The following KCNQ3 variants were observed in gnomAD, a reference collection of about 807,000 sequenced individuals.
The protein encoded by KCNQ3 is potassium voltage-gated channel subfamily KQT member 3.
Under a neutral mutation model 92.5 loss-of-function variants are expected in KCNQ3, and 30 were observed. The observed-to-expected ratio is 0.32, with a 90% CI of 0.24 to 0.44. The LOEUF (loss-of-function observed/expected upper bound fraction) is 0.44. Ranked by LOEUF, KCNQ3 falls within the 20% of genes least tolerant of loss-of-function variation. KCNQ3 has a pLI of 1.00. For synonymous variants in KCNQ3, 450 were observed against 468.8 expected (o/e 0.96, Z 0.52); for missense variants, 913 against 1,140.3 (o/e 0.80, Z 2.87).
At chr8:132,371,569 A>G (rs1156409131) in intron 1 of KCNQ3, among the ~76,000 whole-genome samples, 1 of 152,190 alleles carries the variant, frequency 6.6e-6, no homozygotes, top group Non-Finnish European at 1.5e-5. Context: ...TCCCCACAGA[A>G]GAGCAGGATT....
chr8:132,193,193 C>T (rs1455998350), intron 1 of KCNQ3, among the ~76,000 whole-genome samples: 2 of 152,218 alleles, frequency 1.3e-5, no homozygotes, highest in East Asian at 3.9e-4. Flanking sequence ...AGCATCCAGG[C>T]TGTCTTTGCA....
chr8:132,149,999 C>G (rs1171608347), intron 9 of KCNQ3, among the ~76,000 whole-genome samples: 1 of 152,186 alleles, frequency 6.6e-6, no homozygotes, highest in Non-Finnish European at 1.5e-5. Flanking sequence ...CTTCTCCACC[C>G]TGTCAGCAGT....
chr8:132,240,072 T>C (rs1814937065), intron 1 of KCNQ3, among the ~76,000 whole-genome samples: 1 of 152,100 alleles, frequency 6.6e-6, no homozygotes, highest in Non-Finnish European at 1.5e-5. Context: ...CATTTCCAGA[T>C]GGGTTGGGAA....
intron 1 of KCNQ3, among the ~76,000 whole-genome samples, chr8:132,239,263 A>G (rs1157438126): frequency 6.6e-6 from 1 of 152,208 alleles, no homozygotes; most frequent in African/African-American, 2.4e-5. Context: ...ATGGGCTGAT[A>G]GCTCCTGCAA....
intron 1 of KCNQ3, among the ~76,000 whole-genome samples, chr8:132,262,217 G>A (rs1240650778): frequency 6.6e-6 from 1 of 152,166 alleles, no homozygotes; most frequent in Non-Finnish European, 1.5e-5. Context: ...ACTTTATGAC[G>A]CCACTAATTC....
At chr8:132,167,288 G>A (rs1208679301) in intron 8 of KCNQ3, among the ~76,000 whole-genome samples, 1 of 152,182 alleles carries the variant, frequency 6.6e-6, no homozygotes, top group African/African-American at 2.4e-5. Context: ...GGAACCAGGA[G>A]TATCTGCTCA....
Position 132,141,129 on chromosome 8 carries a change from C to A in KCNQ3, c.1465G>T (p.Asp489Tyr). The A allele has an allele frequency of 6.2e-7, 1 of 1,614,056 alleles. No homozygotes were observed. The highest frequency in any genetic ancestry group is 1.1e-5 in the South Asian group (1 of 91,066). The change falls in exon 10 of 15, where the codon GAT (aspartate) becomes TAT (tyrosine). Residue 489 changes from aspartate to tyrosine, a missense_variant and splice_region_variant. Physicochemically the swap from Asp to Tyr is radical, Grantham distance 160. This residue lies in a region of KCNQ3 where 182 missense variants were observed against 234.5 expected (regional missense o/e 0.78). Coordinates refer to ENST00000388996, the MANE Select transcript of KCNQ3 (RefSeq NM_004519.4). Reference sequence around the variant, plus strand: ...AGGGAGGGAGATAAAAAGGCATTACCTTCAGAACTCTGCCAGAAAGCGTAG... The same window carrying A: ...AGGGAGGGAGATAAAAAGGCATTACATTCAGAACTCTGCCAGAAAGCGTAG... ...KAYAFWQSSE[D>Y]AGTGDPMAED... is the part of the protein sequence containing the mutation.
At chr8:132,382,702 G>C (rs1459882296) in intron 1 of KCNQ3, among the ~76,000 whole-genome samples, 1 of 152,194 alleles carries the variant, frequency 6.6e-6, no homozygotes. Flanking sequence ...TTAGCCTCAA[G>C]AGAGTCAGTG....
chr8:132,408,615 A>T (rs1820561997), intron 1 of KCNQ3, among the ~76,000 whole-genome samples: 2 of 152,220 alleles, frequency 1.3e-5, no homozygotes, highest in African/African-American at 4.8e-5. Context: ...TGTGGCCAAA[A>T]GGATTTTGCA....
At chr8:132,341,214 G>A (rs915906388) in intron 1 of KCNQ3, among the ~76,000 whole-genome samples, 1 of 152,232 alleles carries the variant, frequency 6.6e-6, no homozygotes, top group African/African-American at 2.4e-5. Flanking sequence ...CTTGAGTTCA[G>A]CATTAGTGCG....
chr8:132,348,320 A>G (rs1239579819), intron 1 of KCNQ3, among the ~76,000 whole-genome samples: 1 of 152,188 alleles, frequency 6.6e-6, no homozygotes, highest in Non-Finnish European at 1.5e-5. Flanking sequence ...TAAATTTGCA[A>G]CAGACGGTTT....
chr8:132,292,043 C>T (rs547189733), intron 1 of KCNQ3, among the ~76,000 whole-genome samples: 2 of 152,302 alleles, frequency 1.3e-5, no homozygotes, highest in Admixed American at 6.5e-5. Context: ...ATTGCCCACA[C>T]ATTTAAGAGT....
At chr8:132,437,083 T>C (rs991503784) in intron 1 of KCNQ3, among the ~76,000 whole-genome samples, 1 of 151,232 alleles carries the variant, frequency 6.6e-6, no homozygotes, top group Non-Finnish European at 1.5e-5. Context: ...ATCGAGACCA[T>C]CCTGGCTAAC....
intron 1 of KCNQ3, among the ~76,000 whole-genome samples, chr8:132,325,288 G>A (rs1285105866): frequency 6.6e-6 from 1 of 152,134 alleles, no homozygotes; most frequent in Non-Finnish European, 1.5e-5. Context: ...AGTGTGTTGG[G>A]GGTCAAGAGA....
intron 1 of KCNQ3, among the ~76,000 whole-genome samples, chr8:132,337,655 G>T (rs996260831): frequency 1.3e-5 from 2 of 151,944 alleles, no homozygotes; most frequent in African/African-American, 4.8e-5. Context: ...AGGTATAAAA[G>T]ACTCCTCAGA....
At chr8:132,248,101 G>A (rs755140) in intron 1 of KCNQ3, among the ~76,000 whole-genome samples, 66,499 of 151,946 alleles carry the variant, frequency 0.44, 16,878 homozygotes, top group East Asian at 0.68. Context: ...TCTATTAACT[G>A]CCATTAACAT....
At chr8:132,281,424 ATATAT>A (rs998052369) in intron 1 of KCNQ3, among the ~76,000 whole-genome samples, 1 of 152,142 alleles carries the variant, frequency 6.6e-6, no homozygotes, top group Non-Finnish European at 1.5e-5. Context: ...ACATACACAC[ATATAT>A]TATATATATA....
intron 1 of KCNQ3, among the ~76,000 whole-genome samples, chr8:132,472,201 A>G (rs1822313027): frequency 6.6e-6 from 1 of 152,226 alleles, no homozygotes; most frequent in Non-Finnish European, 1.5e-5. Flanking sequence ...AGCAATATGG[A>G]GATTTCTCAA....
chr8:132,272,044 T>A (rs1295221990), intron 1 of KCNQ3, among the ~76,000 whole-genome samples: 1 of 152,318 alleles, frequency 6.6e-6, no homozygotes, highest in East Asian at 1.9e-4. Context: ...GCCTAGAAAG[T>A]GGCTACAGAC....
Sources: gnomAD v4.1 joint callset for allele counts (sites outside exome capture counted in the v4.1 genomes callset) on GRCh38, gnomAD v4.1.1 for gene constraint, gnomAD v4.1.1 regional missense constraint, MANE v1.5 for transcripts, NCBI Gene and HGNC (gene_info 2026-07-23, HGNC 2026-07-21) for gene names.